The following UTRN variants were observed in gnomAD, a reference collection of about 807,000 sequenced individuals.
UTRN encodes the protein utrophin.
Under a neutral mutation model 463.9 loss-of-function variants are expected in UTRN, and 283 were observed. That is an observed-to-expected ratio of 0.61 (90% confidence interval 0.55 to 0.67). The LOEUF (loss-of-function observed/expected upper bound fraction) is 0.67. Ranked by LOEUF, UTRN falls within the 30% of genes least tolerant of loss-of-function variation. The pLI is 0.00. For missense variants in UTRN, 3,922 were observed against 4,084.3 expected (o/e 0.96, Z 1.08); for synonymous variants, 1,442 against 1,431.5 (o/e 1.01, Z -0.17).
chr6:144,474,816 C>T, intron 25 of UTRN, 57 bp downstream of exon 25: 3 of 1,555,840 alleles, frequency 1.9e-6, no homozygotes, highest in Non-Finnish European at 2.6e-6. Context: ...TGTAGCTTCT[C>T]TCAGCTGACT....
intron 3 of UTRN, among the ~76,000 whole-genome samples, chr6:144,411,881 A>G (rs1244039445): frequency 6.6e-6 from 1 of 152,090 alleles, no homozygotes; most frequent in East Asian, 1.9e-4. Flanking sequence ...ACCACCCAGA[A>G]TTCTTAAAGA....
chr6:144,681,437 A>G (rs1051034656), intron 52 of UTRN, among the ~76,000 whole-genome samples: 1 of 152,202 alleles, frequency 6.6e-6, no homozygotes, highest in Non-Finnish European at 1.5e-5. Flanking sequence ...GTCGAGAGCC[A>G]AGGAAAGAGG....
At chr6:144,468,591 A>AGTGTGTGTGTGTGT (rs113136064) in intron 23 of UTRN, among the ~76,000 whole-genome samples, 18 of 150,402 alleles carry the variant, frequency 1.2e-4, no homozygotes, top group African/African-American at 4.4e-4. Context: ...CCCTTAAAGA[A>AGTGTGTGTGTGTGT]ATGTGTGTGT....
chr6:144,470,684 G>T (rs971252525), intron 23 of UTRN, among the ~76,000 whole-genome samples: 2 of 152,060 alleles, frequency 1.3e-5, no homozygotes, highest in South Asian at 2.1e-4. Context: ...GCGGCTGGGA[G>T]GTGGAGGTTG....
chr6:144,700,670 C>T (rs750994598), intron 53 of UTRN, among the ~76,000 whole-genome samples: 2 of 150,502 alleles, frequency 1.3e-5, no homozygotes, highest in Admixed American at 6.6e-5. Flanking sequence ...TGGGTTCAAG[C>T]GATTCTCCTG....
chr6:144,566,540 C>G (rs559096972), intron 50 of UTRN, among the ~76,000 whole-genome samples: 4 of 151,964 alleles, frequency 2.6e-5, no homozygotes, highest in African/African-American at 9.7e-5. Context: ...ATAATAGTGT[C>G]TAATGTGTCC....
At position 144,458,937 on chromosome 6, in the gene UTRN, G is replaced by C; in HGVS notation, c.2452G>C (p.Glu818Gln). 1 of 1,613,832 alleles carries C rather than the reference G, an allele frequency of 6.2e-7. No homozygotes were observed. Among genetic ancestry groups the C allele is most frequent in the Non-Finnish European group, 8.5e-7 (1 of 1,179,946 alleles). The change falls in exon 20 of 75, where the codon GAG becomes CAG. Residue 818 changes from glutamate (E) to glutamine (Q), a missense_variant. Glu to Gln is a conservative substitution (Grantham distance 29, BLOSUM62 2). Around this residue, in one of 3 missense-constraint regions of UTRN, gnomAD observed 2,349 missense variants for 2,303.8 expected, o/e 1.02. Coordinates refer to ENST00000367545, the MANE Select transcript of UTRN (RefSeq NM_007124.3). ...GCTTGAAAAGGTCATCAAGACAAAG[G>C]AGGAGTGGGTAAAACACACTTCCAT... ...DELEKVIKTK[E>Q]EWVKHTSISE... is the part of the protein sequence containing the mutation.
At chr6:144,839,138 C>T (rs758466050) in intron 71 of UTRN, 35 bp from the exon 72 acceptor site, 2 of 1,523,560 alleles carry the variant, frequency 1.3e-6, no homozygotes, top group Non-Finnish European at 1.8e-6. Flanking sequence ...TTATTTGAAT[C>T]CTTTCTCTGC....
At chr6:144,816,772 G>A (rs1449743690) in intron 65 of UTRN, among the ~76,000 whole-genome samples, 1 of 147,368 alleles carries the variant, frequency 6.8e-6, no homozygotes, top group Middle Eastern at 3.4e-3. Flanking sequence ...TAGAGATGGG[G>A]TTTTGCCGTG....
chr6:144,290,618 G>A (rs753398530), intron 1 of UTRN, among the ~76,000 whole-genome samples: 1 of 152,168 alleles, frequency 6.6e-6, no homozygotes, highest in Non-Finnish European at 1.5e-5. Flanking sequence ...ACATACAGAA[G>A]AGTTGCAAGA....
intron 53 of UTRN, among the ~76,000 whole-genome samples, chr6:144,701,484 T>C (rs529435302): frequency 2.6e-5 from 4 of 152,366 alleles, no homozygotes; most frequent in Non-Finnish European, 5.9e-5. Context: ...AAAGATATGC[T>C]GAAATGTTAT....
intron 3 of UTRN, among the ~76,000 whole-genome samples, chr6:144,420,327 T>C (rs971090645): frequency 5.3e-5 from 8 of 152,226 alleles, no homozygotes; most frequent in African/African-American, 1.7e-4. Context: ...TTTCTTATAA[T>C]ATTCTATTAT....
chr6:144,781,871 A>C, intron 60 of UTRN, 51 bp from the exon 61 acceptor site: 1 of 1,298,964 alleles, frequency 7.7e-7, no homozygotes, highest in Non-Finnish European at 1.1e-6. Flanking sequence ...GTTGTTATGT[A>C]ATGTAATGTA....
rs952904311 is a variant in UTRN, at chr6:144,513,851, G to A, written c.4945-58G>A. 2.5e-5 allele frequency: 40 copies of A among 1,572,122 alleles called. No homozygotes were observed. In the South Asian group the frequency reaches 4.3e-4, roughly 17 times the overall value. ...TGAAGGTCTTTTAAATCTCTTTTAA[G>A]ATTATCATCTTAAATATTTCATATG... On this transcript the variant is annotated intron_variant, in intron 35 of 74. Transcript: ENST00000367545.
intron 39 of UTRN, 91 bp downstream of exon 39, chr6:144,517,039 A>T: frequency 8.7e-7 from 1 of 1,151,498 alleles, no homozygotes; most frequent in Non-Finnish European, 1.1e-6. Context: ...GATGCTTTAA[A>T]ACACACCAGT....
intron 65 of UTRN, among the ~76,000 whole-genome samples, chr6:144,815,423 A>G (rs1778990310): frequency 6.6e-6 from 1 of 151,916 alleles, no homozygotes; most frequent in African/African-American, 2.4e-5. Context: ...CATGATCACA[A>G]GGTGAAGTCC....
chr6:144,720,771 T>C (rs1787055837), intron 53 of UTRN, among the ~76,000 whole-genome samples: 1 of 152,160 alleles, frequency 6.6e-6, no homozygotes, highest in Admixed American at 6.5e-5. Context: ...TTTGAGAAGG[T>C]TGACCTCCCT....
chr6:144,299,361 C>T (rs1805031472), intron 2 of UTRN, among the ~76,000 whole-genome samples: 1 of 152,196 alleles, frequency 6.6e-6, no homozygotes, highest in African/African-American at 2.4e-5. Flanking sequence ...AGGAAAGCTA[C>T]AACGTTTATT....
chr6:144,565,641 A>G (rs1457760084), intron 50 of UTRN, among the ~76,000 whole-genome samples: 1 of 152,154 alleles, frequency 6.6e-6, no homozygotes, highest in African/African-American at 2.4e-5. Flanking sequence ...GAGAGAGGAG[A>G]ATGTTTCTAA....
Sources: gnomAD v4.1 joint callset for allele counts (sites outside exome capture counted in the v4.1 genomes callset) on GRCh38, gnomAD v4.1.1 for gene constraint, gnomAD v4.1.1 regional missense constraint, MANE v1.5 for transcripts, NCBI Gene and HGNC (gene_info 2026-07-23, HGNC 2026-07-21) for gene names.